SLX9: variants seen among roughly 807,000 people sequenced by gnomAD.
SLX9 encodes the protein SLX9 ribosome biogenesis factor.
In SLX9, 19 loss-of-function variants were observed where a neutral mutation model predicts 20.8. That is an observed-to-expected ratio of 0.91 (90% CI 0.64 to 1.34). The LOEUF is 1.34. SLX9 is among the 40% of genes most tolerant of loss of function. The pLI is 0.00. For synonymous variants in SLX9, 113 were observed against 137.1 expected, an observed-to-expected ratio of 0.82 and a Z score of 1.23; for missense variants, 299 against 322.2, an observed-to-expected ratio of 0.93 and a Z score of 0.55.
At chr21:44,947,616 T>C (rs2084667647) in intron 2 of SLX9, among the ~76,000 whole-genome samples, 1 of 151,474 alleles carries the variant, frequency 6.6e-6, no homozygotes, top group African/African-American at 2.5e-5. Flanking sequence ...ATCGTTCCTA[T>C]GTTTTTTTTC....
chr21:44,944,485 A>G (rs1306700477), intron 2 of SLX9, among the ~76,000 whole-genome samples: 1 of 152,222 alleles, frequency 6.6e-6, no homozygotes, highest in African/African-American at 2.4e-5. Context: ...CCCGGCCACC[A>G]TGGTCAATGC....
intron 1 of SLX9, among the ~76,000 whole-genome samples, chr21:44,941,333 T>C (rs1351646943): frequency 2.6e-5 from 4 of 151,792 alleles, no homozygotes; most frequent in Non-Finnish European, 5.9e-5. Flanking sequence ...TTTTGGATAG[T>C]CCTGTAGCAA....
intron 5 of SLX9, among the ~76,000 whole-genome samples, chr21:44,973,771 C>T (rs61217966): frequency 0.14 from 21,216 of 152,016 alleles, 1,589 homozygotes; most frequent in African/African-American, 0.19. Flanking sequence ...CTGAGAGCCC[C>T]GCCCGTGCCT....
At chr21:44,960,569 A>C (rs1373727631) in intron 3 of SLX9, among the ~76,000 whole-genome samples, 1 of 152,172 alleles carries the variant, frequency 6.6e-6, no homozygotes, top group Non-Finnish European at 1.5e-5. Context: ...GTGCTCGTGG[A>C]GTTTTTATGG....
At chr21:44,975,207 G>A (rs1198651357) in intron 5 of SLX9, among the ~76,000 whole-genome samples, 1 of 152,236 alleles carries the variant, frequency 6.6e-6, no homozygotes, top group Non-Finnish European at 1.5e-5. Context: ...GGAAGCAAGA[G>A]TGTTCCCCTC....
At position 44,974,004 on chromosome 21, in the gene SLX9, C is replaced by T. The variant is rs35809211; in HGVS notation, c.569+739C>T. ...ATACGTTTGGTTCTGTGACTGGGCA[C>T]TGCGGCCCCCAGTTAGCAGGGCTAG... On this transcript the variant is annotated intron_variant, in intron 5 of 5. Coordinates refer to ENST00000291634, the MANE Select transcript of SLX9 (RefSeq NM_058190.4). Among the ~76,000 whole-genome samples, 1,320 of 152,348 alleles carry T rather than the reference C, an allele frequency of 8.7e-3. 11 individuals are homozygous for T. The highest frequency in any genetic ancestry group is 0.013 in the Non-Finnish European group (917 of 68,038).
intron 4 of SLX9, chr21:44,969,374 T>C (rs2085101388): frequency 2.6e-6 from 1 of 381,510 alleles, no homozygotes; most frequent in South Asian, 1.9e-5. Context: ...ATCTGAAAAA[T>C]GTGCTTGGCG....
intron 5 of SLX9, among the ~76,000 whole-genome samples, chr21:44,975,595 G>T (rs541431308): frequency 8.1e-4 from 124 of 152,384 alleles, no homozygotes; most frequent in African/African-American, 2.9e-3. Context: ...CTAAGAACCT[G>T]GCCTGGGCCT....
At chr21:44,975,434 C>G (rs900155490) in intron 5 of SLX9, among the ~76,000 whole-genome samples, 1 of 152,212 alleles carries the variant, frequency 6.6e-6, no homozygotes, top group Admixed American at 6.5e-5. Context: ...GCCAGGGGCA[C>G]CGAACCCGTG....
intron 5 of SLX9, 53 bp from the exon 6 acceptor site, chr21:44,976,627 G>C (rs1421557927): frequency 1.6e-5 from 25 of 1,549,784 alleles, no homozygotes; most frequent in Admixed American, 3.8e-5. Flanking sequence ...GTGTTGAGGG[G>C]CTGAGGGGTC....
chr21:44,961,232 G>C (rs2084944904), intron 3 of SLX9, among the ~76,000 whole-genome samples: 1 of 150,550 alleles, frequency 6.6e-6, no homozygotes, highest in Non-Finnish European at 1.5e-5. Flanking sequence ...CATGGCACTT[G>C]GTCCTTTTTT....
intron 5 of SLX9, among the ~76,000 whole-genome samples, chr21:44,975,182 C>T (rs183927315): frequency 2.0e-5 from 3 of 152,290 alleles, no homozygotes; most frequent in African/African-American, 7.2e-5. Context: ...ATCCTTCGAT[C>T]CCAAGATCCC....
intron 5 of SLX9, among the ~76,000 whole-genome samples, chr21:44,976,420 G>A: frequency 6.6e-6 from 1 of 152,212 alleles, no homozygotes; most frequent in East Asian, 1.9e-4. Flanking sequence ...AGCCCCATCA[G>A]CCCCAGACTT....
chr21:44,952,550 C>T lies in SLX9; in HGVS notation c.284-7550C>T, dbSNP rs111626370. On this transcript the variant is annotated intron_variant, in intron 2 of 5. Coordinates refer to ENST00000291634, the MANE Select transcript of SLX9 (RefSeq NM_058190.4). ...GCCCCAGCTGCTTCAGGACCGCCCT[C>T]CCATGGGGGATGCTGTGCCCAGCAG... is the stretch of plus-strand genomic sequence containing the variant. 9.7e-3 allele frequency among the ~76,000 whole-genome samples: 1,485 copies of T among 152,326 alleles called. 33 individuals carry two copies. Among genetic ancestry groups the T allele is most frequent in the African/African-American group, 0.034 (1,393 of 41,568 alleles).
At chr21:44,947,614 T>C (rs1374921994) in intron 2 of SLX9, among the ~76,000 whole-genome samples, 1 of 151,334 alleles carries the variant, frequency 6.6e-6, no homozygotes, top group Non-Finnish European at 1.5e-5. Context: ...GCATCGTTCC[T>C]ATGTTTTTTT....
At chr21:44,951,311 G>T (rs2084752658) in intron 2 of SLX9, among the ~76,000 whole-genome samples, 1 of 152,128 alleles carries the variant, frequency 6.6e-6, no homozygotes. Context: ...GCGCAGGGAG[G>T]TAGGAGAGAG....
At chr21:44,945,087 A>G (rs532643398) in intron 2 of SLX9, among the ~76,000 whole-genome samples, 1 of 152,336 alleles carries the variant, frequency 6.6e-6, no homozygotes, top group South Asian at 2.1e-4. Context: ...CCTTGGGCAC[A>G]AGTCATGTGA....
intron 5 of SLX9, among the ~76,000 whole-genome samples, chr21:44,973,980 T>C (rs2085212895): frequency 1.3e-5 from 2 of 152,188 alleles, no homozygotes; most frequent in Admixed American, 1.3e-4. Context: ...ATCTGGATGA[T>C]ACGTTTGGTT....
intron 2 of SLX9, among the ~76,000 whole-genome samples, chr21:44,953,791 G>A (rs1372095463): frequency 2.0e-5 from 3 of 152,120 alleles, no homozygotes; most frequent in Non-Finnish European, 4.4e-5. Context: ...GCCACCCCCC[G>A]GGGAGCTCTT....
Sources: gnomAD v4.1 joint callset for allele counts (sites outside exome capture counted in the v4.1 genomes callset) on GRCh38, gnomAD v4.1.1 for gene constraint, MANE v1.5 for transcripts, NCBI Gene and HGNC (gene_info 2026-07-23, HGNC 2026-07-21) for gene names.